PCDHA5: variants seen among roughly 807,000 people sequenced by gnomAD.
PCDHA5 encodes protocadherin alpha 5, also known as protocadherin alpha-5.
PCDHA5 carries 43 observed loss-of-function variants against 61.6 expected under a neutral mutation model. The observed-to-expected ratio is 0.70, with a 90% CI of 0.55 to 0.90. The LOEUF (loss-of-function observed/expected upper bound fraction) is 0.90, where lower values mean the gene tolerates loss of function less well. Ranked by LOEUF, PCDHA5 falls within the 40% of genes least tolerant of loss-of-function variation. The pLI, the probability that PCDHA5 is intolerant of heterozygous loss-of-function variation, is 0.00. For missense variants in PCDHA5, 1,298 were observed against 1,222.7 expected (o/e 1.06, Z -0.92); for synonymous variants, 627 against 543.9 (o/e 1.15, Z -2.13).
intron 1 of PCDHA5, chr5:140,929,169 T>C: frequency 6.2e-7 from 1 of 1,614,188 alleles, no homozygotes; most frequent in Non-Finnish European, 8.5e-7. Flanking sequence ...ATCGGGCCTC[T>C]CTGGGACTTG....
intron 1 of PCDHA5, among the ~76,000 whole-genome samples, chr5:140,911,798 T>C (rs1387986120): frequency 6.6e-6 from 1 of 152,178 alleles, no homozygotes; most frequent in Non-Finnish European, 1.5e-5. Context: ...GGTCTAATCA[T>C]ATTAAGCAGC....
At chr5:140,890,507 C>G (rs2153430728) in intron 1 of PCDHA5, among the ~76,000 whole-genome samples, 1 of 152,146 alleles carries the variant, frequency 6.6e-6, no homozygotes, top group African/African-American at 2.4e-5. Context: ...TTTTATGTCT[C>G]TATTTCCTTC....
At chr5:140,966,809 C>T (rs1335148442) in intron 1 of PCDHA5, 5 of 1,547,376 alleles carry the variant, frequency 3.2e-6, no homozygotes, top group African/African-American at 1.4e-5. Flanking sequence ...AGAGCATCCA[C>T]GGCTCCGGCG....
At chr5:140,850,731 G>A (rs1366939358) in intron 1 of PCDHA5, 3 of 1,597,906 alleles carry the variant, frequency 1.9e-6, no homozygotes, top group Non-Finnish European at 2.6e-6. Flanking sequence ...TAGCGCGGTG[G>A]GGAGTTGGTC....
intron 1 of PCDHA5, among the ~76,000 whole-genome samples, chr5:140,958,824 A>T (rs1008923744): frequency 8.5e-5 from 13 of 152,158 alleles, no homozygotes; most frequent in African/African-American, 3.1e-4. Context: ...TAATTTTTAT[A>T]TCTTAAAGTT....
chr5:140,936,798 T>C (rs2091152803), intron 1 of PCDHA5, among the ~76,000 whole-genome samples: 1 of 152,240 alleles, frequency 6.6e-6, no homozygotes, highest in Admixed American at 6.5e-5. Context: ...TGCTTCAAGA[T>C]TAACTTAGCT....
At chr5:140,897,560 T>C (rs1398247980) in intron 1 of PCDHA5, among the ~76,000 whole-genome samples, 1 of 152,200 alleles carries the variant, frequency 6.6e-6, no homozygotes, top group Non-Finnish European at 1.5e-5. Flanking sequence ...GGTGTATATG[T>C]GCCACATTTT....
chr5:140,962,061 T>C (rs1554225775), intron 1 of PCDHA5, among the ~76,000 whole-genome samples: 2 of 151,824 alleles, frequency 1.3e-5, no homozygotes, highest in Non-Finnish European at 1.5e-5. Context: ...TTTTTTTGTA[T>C]TTTTTAGTAG....
chr5:140,933,413 T>A (rs2089136962), intron 1 of PCDHA5, among the ~76,000 whole-genome samples: 3 of 152,056 alleles, frequency 2.0e-5, no homozygotes, highest in Non-Finnish European at 4.4e-5. Flanking sequence ...TCTACAGATA[T>A]TCTGTGTTCA....
At chr5:140,970,960 G>T (rs3776114) in intron 1 of PCDHA5, among the ~76,000 whole-genome samples, 54,597 of 152,034 alleles carry the variant, frequency 0.36, 10,036 homozygotes, top group Admixed American at 0.46. Context: ...ATGGGAGGCA[G>T]ATTGTAGATT....
chr5:140,835,627 G>A, intron 1 of PCDHA5: 1 of 1,613,916 alleles, frequency 6.2e-7, no homozygotes, highest in Non-Finnish European at 8.5e-7. Flanking sequence ...GCTCTGGACC[G>A]CGAGAGTGTG....
At chr5:140,848,269 G>T in intron 1 of PCDHA5, 1 of 502,308 alleles carries the variant, frequency 2.0e-6, no homozygotes, top group Non-Finnish European at 3.5e-6. Context: ...TTTTATTCAT[G>T]AAATATGTAC....
intron 3 of PCDHA5, among the ~76,000 whole-genome samples, chr5:140,992,705 T>C (rs1291266922): frequency 6.6e-6 from 1 of 152,188 alleles, no homozygotes; most frequent in African/African-American, 2.4e-5. Flanking sequence ...GTAATGTTCC[T>C]GCCAGTATTC....
Position 141,011,476 on chromosome 5 carries a change from A to G in PCDHA5, c.*1539A>G, listed in dbSNP as rs2098420741. On this transcript the variant is annotated 3_prime_UTR_variant, in exon 4 of 4. Coordinates refer to ENST00000529859, the MANE Select transcript of PCDHA5 (RefSeq NM_018908.3). ...CTTTATTGTTGAATGTAATTCCATT[A>G]TATTTCCTTTTGTACACCTGTGAAA... 1 of 153,776 alleles carries G rather than the reference A, an allele frequency of 6.5e-6. No homozygotes were observed. 9.5% of individuals were successfully genotyped at this position (153,776 alleles called of 1,614,324 possible). A position where few individuals can be genotyped will look rare whatever the true frequency, so the allele number is the denominator to read the frequency against.
intron 1 of PCDHA5, chr5:140,856,894 T>C (rs1389376451): frequency 6.3e-7 from 1 of 1,596,592 alleles, no homozygotes; most frequent in Non-Finnish European, 8.6e-7. Context: ...CATTTAGCTC[T>C]TTGGTCCCAC....
intron 1 of PCDHA5, among the ~76,000 whole-genome samples, chr5:140,964,846 C>G (rs1292135709): frequency 2.0e-5 from 3 of 152,180 alleles, no homozygotes; most frequent in Non-Finnish European, 2.9e-5. Context: ...TACTCTGTAC[C>G]CTTGAGGAAA....
Position 140,883,458 on chromosome 5 carries a change from T to G in PCDHA5, c.2352+59331T>G, listed in dbSNP as rs1315500498. ...TTGACGCCGCATGTCCCCTTCAAGC[T>G]GGTGTCCACCTACAAGAACTACTAC... On this transcript the variant is annotated intron_variant, in intron 1 of 3. Coordinates refer to ENST00000529859, the MANE Select transcript of PCDHA5 (RefSeq NM_018908.3). 13 of 1,614,058 alleles carry G rather than the reference T, an allele frequency of 8.1e-6. No individual in the cohort carries two copies. Among genetic ancestry groups the G allele is most frequent in the Non-Finnish European group, 1.1e-5 (13 of 1,180,042 alleles).
chr5:140,884,733 T>C lies in PCDHA5; in HGVS notation c.2352+60606T>C, dbSNP rs782206169. On this transcript the variant is annotated intron_variant, in intron 1 of 3. Transcript: ENST00000529859. ...TCCTTGCAGTTGTTTGTTTAAGACA[T>C]CTTTCCTGCCAATTTCAAATTATTC... 1.1e-4 allele frequency: 158 copies of C among 1,448,002 alleles called. No homozygotes were observed. The Middle Eastern group carries it at 1.8e-3, about 17-fold the overall frequency. The allele number at this position is 1,448,002 out of a possible 1,614,324, so 89.7% of individuals were successfully genotyped here. A position where few individuals can be genotyped will look rare whatever the true frequency, so the allele number is the denominator to read the frequency against.
intron 1 of PCDHA5, chr5:140,870,461 C>A (rs1554164294): frequency 6.8e-6 from 11 of 1,614,128 alleles, no homozygotes; most frequent in Non-Finnish European, 9.3e-6. Context: ...AATGCGCCTG[C>A]GTTCGCACAG....
Sources: allele counts gnomAD v4.1 joint callset (sites outside exome capture counted in the v4.1 genomes callset), GRCh38; gene constraint gnomAD v4.1.1; transcripts MANE v1.5; gene names NCBI Gene and HGNC (gene_info 2026-07-23, HGNC 2026-07-21).